The following CCNJL variants were observed in gnomAD, a reference collection of about 807,000 sequenced individuals.
The protein encoded by CCNJL is cyclin-J-like protein.
In CCNJL, 33 loss-of-function variants were observed where a neutral mutation model predicts 33.4. The ratio of observed to expected loss-of-function variants is 0.99; its 90% CI spans 0.75 to 1.32. CCNJL has a LOEUF of 1.32. Ranked by LOEUF, CCNJL falls within the 40% of genes most tolerant of loss-of-function variation. The pLI is 0.00. For missense variants in CCNJL, 512 were observed against 499.7 expected (o/e 1.02, Z -0.23); for synonymous variants, 227 against 220.9 (o/e 1.03, Z -0.24).
At chr5:160,253,937 C>G (rs960837107) in intron 5 of CCNJL, 139 bp from the exon 6 acceptor site, 3 of 600,652 alleles carry the variant, frequency 5.0e-6, no homozygotes, top group Non-Finnish European at 5.6e-6. Flanking sequence ...GCTGTGCTCA[C>G]TGTGTGTGGC....
At chr5:160,330,543 C>T (rs528751438) in intron 1 of CCNJL, among the ~76,000 whole-genome samples, 9 of 152,332 alleles carry the variant, frequency 5.9e-5, no homozygotes, top group Non-Finnish European at 1.0e-4. Context: ...TCCTGTAAAA[C>T]CTTCAGGCTT....
chr5:160,337,430 C>T (rs940429665), intron 1 of CCNJL, among the ~76,000 whole-genome samples: 1 of 152,126 alleles, frequency 6.6e-6, no homozygotes, highest in African/African-American at 2.4e-5. Flanking sequence ...CAGACTTCAT[C>T]GCGCATCTGC....
At chr5:160,315,318 AACACACACACACAC>A (rs57432164), upstream of CCNJL, 293 of 104,020 alleles carry the variant, frequency 2.8e-3, 3 homozygotes, top group African/African-American at 0.011. Flanking sequence ...CCCGCCCCCC[AACACACACACACAC>A]ACACACACAC....
intron 2 of CCNJL, among the ~76,000 whole-genome samples, chr5:160,296,356 T>G (rs1016633947): frequency 6.6e-6 from 1 of 152,218 alleles, no homozygotes. Context: ...ATGTTTACTA[T>G]GAAAAAGGCT....
At chr5:160,293,774 T>C (rs887444636) in intron 2 of CCNJL, among the ~76,000 whole-genome samples, 5 of 152,084 alleles carry the variant, frequency 3.3e-5, no homozygotes, top group African/African-American at 4.8e-5. Context: ...ACACTGCAGG[T>C]GAGTGGTAAA....
chr5:160,253,823 A>C (rs1215248238), intron 5 of CCNJL, 25 bp from the exon 6 acceptor site: 3 of 1,490,552 alleles, frequency 2.0e-6, no homozygotes, highest in Non-Finnish European at 2.7e-6. Context: ...CCTGGGTGAG[A>C]ACTGGAGGCC....
intron 4 of CCNJL, chr5:160,258,389 A>G (rs1761165184): frequency 1.3e-6 from 1 of 793,898 alleles, no homozygotes; most frequent in African/African-American, 1.7e-5. Context: ...GATGTGAAAG[A>G]AGCCATAAGA....
Position 160,250,181 on chromosome 5 carries a change from C to G in CCNJL, c.*3197G>C, listed in dbSNP as rs2113172963. 1 of 152,254 alleles carries G rather than the reference C, an allele frequency of 6.6e-6. No homozygotes were observed. The highest frequency in any genetic ancestry group is 1.5e-5 in the Non-Finnish European group (1 of 68,006). The allele number at this position is 152,254 out of a possible 1,614,324, so 9.4% of individuals were successfully genotyped here. A position where few individuals can be genotyped will look rare whatever the true frequency, so the allele number is the denominator to read the frequency against. Reference sequence around the variant, plus strand: ...GGTCACAGCCTCTGTGGCACAGTCTCCCCCCGCCCCAAGAGCTTAGAACCA... The same window carrying G: ...GGTCACAGCCTCTGTGGCACAGTCTGCCCCCGCCCCAAGAGCTTAGAACCA... On this transcript the variant is annotated 3_prime_UTR_variant, in exon 6 of 6. Transcript: ENST00000257536.
At chr5:160,258,924 T>G (rs901072316) in intron 4 of CCNJL, among the ~76,000 whole-genome samples, 1 of 152,230 alleles carries the variant, frequency 6.6e-6, no homozygotes, top group African/African-American at 2.4e-5. Flanking sequence ...CCCGATCTCC[T>G]GACCTCGTGA....
chr5:160,336,465 G>A (rs959062174), intron 1 of CCNJL, among the ~76,000 whole-genome samples: 2 of 152,242 alleles, frequency 1.3e-5, no homozygotes, highest in Non-Finnish European at 2.9e-5. Context: ...CCAGAAGCTG[G>A]AAGAGGCAAG....
intron 2 of CCNJL, among the ~76,000 whole-genome samples, chr5:160,290,884 G>C (rs1762559071): frequency 6.6e-6 from 1 of 151,880 alleles, no homozygotes; most frequent in South Asian, 2.1e-4. Flanking sequence ...GCAATTCCCA[G>C]TACTCATGAA....
chr5:160,279,925 C>T (rs1762149211), intron 3 of CCNJL, among the ~76,000 whole-genome samples: 1 of 152,198 alleles, frequency 6.6e-6, no homozygotes, highest in South Asian at 2.1e-4. Context: ...GTAATCTCTA[C>T]CAAGGCAGAC....
At chr5:160,266,741 G>A (rs1252926186) in intron 3 of CCNJL, among the ~76,000 whole-genome samples, 1 of 152,158 alleles carries the variant, frequency 6.6e-6, no homozygotes, top group African/African-American at 2.4e-5. Context: ...CTCAAGTCCT[G>A]TTATCTAGAA....
At chr5:160,316,412 T>C (rs1368280993), upstream of CCNJL, among the ~76,000 whole-genome samples, 3 of 115,442 alleles carry the variant, frequency 2.6e-5, no homozygotes, top group African/African-American at 3.8e-5. Flanking sequence ...AGCTTTCTTA[T>C]ATATCCCTAA....
chr5:160,296,771 T>C (rs930958622), intron 2 of CCNJL, among the ~76,000 whole-genome samples: 6 of 152,170 alleles, frequency 3.9e-5, no homozygotes, highest in African/African-American at 1.4e-4. Context: ...TGCAGAGAGA[T>C]GAACTTCACA....
At chr5:160,313,457 C>A (rs1763336109), upstream of CCNJL, among the ~76,000 whole-genome samples, 1 of 152,110 alleles carries the variant, frequency 6.6e-6, no homozygotes, top group African/African-American at 2.4e-5. Context: ...AATCACTACA[C>A]CAGGTATTAA....
At chr5:160,313,481 A>AT (rs1763336464), upstream of CCNJL, among the ~76,000 whole-genome samples, 1 of 152,238 alleles carries the variant, frequency 6.6e-6, no homozygotes, top group African/African-American at 2.4e-5. Context: ...AACACTCAGT[A>AT]AACAACTGTG....
intron 1 of CCNJL, among the ~76,000 whole-genome samples, chr5:160,332,782 C>A (rs527546093): frequency 6.6e-6 from 1 of 152,254 alleles, no homozygotes; most frequent in East Asian, 1.9e-4. Flanking sequence ...CATATGTCTT[C>A]TCTGCTTTTT....
At chr5:160,309,651 T>C (rs1309252614) in intron 2 of CCNJL, among the ~76,000 whole-genome samples, 2 of 152,230 alleles carry the variant, frequency 1.3e-5, no homozygotes. Flanking sequence ...CCCCTATTCT[T>C]CACTCTTCTT....
Sources: gnomAD v4.1 joint callset for allele counts (sites outside exome capture counted in the v4.1 genomes callset) on GRCh38, gnomAD v4.1.1 for gene constraint, MANE v1.5 for transcripts, NCBI Gene and HGNC (gene_info 2026-07-23, HGNC 2026-07-21) for gene names.